The following DIAPH3 variants were observed in gnomAD, a reference collection of about 807,000 sequenced individuals.
DIAPH3 encodes the protein diaphanous related formin 3, also known as protein diaphanous homolog 3.
Under a neutral mutation model 144.3 loss-of-function variants are expected in DIAPH3, and 117 were observed. That is an observed-to-expected ratio of 0.81 (90% CI 0.70 to 0.95). The LOEUF is 0.95. DIAPH3 is among the 40% of genes least tolerant of loss of function. DIAPH3 has a pLI of 0.00. For synonymous variants in DIAPH3, 519 were observed against 488.9 expected (o/e 1.06, Z -0.81); for missense variants, 1,421 against 1,412.7 (o/e 1.01, Z -0.09).
At chr13:60,035,022 G>A (rs1461348601) in intron 5 of DIAPH3, among the ~76,000 whole-genome samples, 1 of 151,682 alleles carries the variant, frequency 6.6e-6, no homozygotes, top group Middle Eastern at 3.2e-3. Context: ...AATAAACTGG[G>A]AGATATATAT....
chr13:60,014,792 T>A (rs918055109), intron 7 of DIAPH3, among the ~76,000 whole-genome samples: 1 of 152,152 alleles, frequency 6.6e-6, no homozygotes, highest in Admixed American at 6.5e-5. Context: ...CTTAAACACC[T>A]ATCATCACTT....
intron 25 of DIAPH3, among the ~76,000 whole-genome samples, chr13:59,783,931 T>C (rs1281776348): frequency 6.6e-6 from 1 of 152,174 alleles, no homozygotes; most frequent in Non-Finnish European, 1.5e-5. Flanking sequence ...GGCAAACTAA[T>C]AGGAAAAGGT....
intron 27 of DIAPH3, among the ~76,000 whole-genome samples, chr13:59,750,496 T>C (rs1461102665): frequency 6.6e-6 from 1 of 152,216 alleles, no homozygotes; most frequent in African/African-American, 2.4e-5. Flanking sequence ...ATCATGCAAT[T>C]GGTAGGTATC....
At chr13:59,785,952 T>A (rs894144320) in intron 25 of DIAPH3, among the ~76,000 whole-genome samples, 20 of 152,172 alleles carry the variant, frequency 1.3e-4, no homozygotes, top group African/African-American at 4.6e-4. Flanking sequence ...TAGGCCTGGA[T>A]CTGTAGCATC....
chr13:60,134,360 A>T (rs556336303), intron 1 of DIAPH3, among the ~76,000 whole-genome samples: 2 of 152,330 alleles, frequency 1.3e-5, no homozygotes, highest in East Asian at 3.9e-4. Context: ...CAGCCTTTGA[A>T]ATTAACAAGT....
intron 25 of DIAPH3, among the ~76,000 whole-genome samples, chr13:59,803,195 G>A (rs1349066842): frequency 1.3e-5 from 2 of 152,176 alleles, no homozygotes; most frequent in African/African-American, 4.8e-5. Context: ...TTTCCACATT[G>A]TGATAAGATC....
intron 27 of DIAPH3, among the ~76,000 whole-genome samples, chr13:59,702,700 A>G (rs1454467458): frequency 6.6e-6 from 1 of 152,200 alleles, no homozygotes; most frequent in African/African-American, 2.4e-5. Context: ...ACATGAAAAT[A>G]TACAGTTATA....
intron 24 of DIAPH3, among the ~76,000 whole-genome samples, chr13:59,811,404 A>C (rs1355614891): frequency 1.3e-5 from 2 of 152,160 alleles, no homozygotes; most frequent in Admixed American, 6.6e-5. Context: ...TCATATATGA[A>C]TTTTTCTAAT....
At chr13:59,796,739 G>A (rs1382195954) in intron 25 of DIAPH3, among the ~76,000 whole-genome samples, 2 of 151,906 alleles carry the variant, frequency 1.3e-5, no homozygotes, top group East Asian at 3.9e-4. Context: ...TAACCAAAGG[G>A]GGGAAAAAAA....
intron 25 of DIAPH3, among the ~76,000 whole-genome samples, chr13:59,782,415 A>G (rs1428800897): frequency 1.3e-5 from 2 of 152,178 alleles, no homozygotes; most frequent in African/African-American, 2.4e-5. Context: ...CATAAATATC[A>G]GAAGAAATAT....
chr13:59,851,692 G>T (rs1036547152), intron 22 of DIAPH3, among the ~76,000 whole-genome samples: 1 of 144,654 alleles, frequency 6.9e-6, no homozygotes, highest in Non-Finnish European at 1.5e-5. Flanking sequence ...AGGTTGGAGC[G>T]CAATGGCGCA....
intron 5 of DIAPH3, among the ~76,000 whole-genome samples, chr13:60,033,503 G>T (rs2054964961): frequency 1.3e-5 from 2 of 152,146 alleles, no homozygotes; most frequent in African/African-American, 4.8e-5. Flanking sequence ...TAGGAAGCTT[G>T]GTGGAAGGTG....
chr13:59,810,177 T>G (rs1309257250), intron 25 of DIAPH3, among the ~76,000 whole-genome samples: 2 of 152,146 alleles, frequency 1.3e-5, no homozygotes, highest in Non-Finnish European at 2.9e-5. Context: ...GTTGTTTTTT[T>G]GAAACAAAAT....
chr13:59,798,446 A>G (rs1407194383), intron 25 of DIAPH3, among the ~76,000 whole-genome samples: 2 of 152,214 alleles, frequency 1.3e-5, no homozygotes, highest in African/African-American at 4.8e-5. Flanking sequence ...CTGCTACATT[A>G]CTGGTTAGTC....
At chr13:60,107,930 T>C (rs1025151672) in intron 3 of DIAPH3, among the ~76,000 whole-genome samples, 3 of 152,182 alleles carry the variant, frequency 2.0e-5, no homozygotes, top group Non-Finnish European at 2.9e-5. Flanking sequence ...TCTCAACCGA[T>C]AGTGAAAATA....
chr13:59,790,355 T>C (rs1192627156), intron 25 of DIAPH3, among the ~76,000 whole-genome samples: 1 of 152,192 alleles, frequency 6.6e-6, no homozygotes, highest in East Asian at 1.9e-4. Flanking sequence ...CACAGTAAAC[T>C]GTGGAAACCT....
At chr13:59,733,913 A>G (rs542382154) in intron 27 of DIAPH3, among the ~76,000 whole-genome samples, 1 of 152,352 alleles carries the variant, frequency 6.6e-6, no homozygotes, top group East Asian at 1.9e-4. Context: ...CCCAGGCCAG[A>G]ATCTATGGCA....
chr13:60,022,711 A>G (rs2054113722), intron 5 of DIAPH3, among the ~76,000 whole-genome samples: 1 of 152,162 alleles, frequency 6.6e-6, no homozygotes, highest in Admixed American at 6.6e-5. Flanking sequence ...ATCTTAATTA[A>G]TTACACTGCA....
intron 9 of DIAPH3, among the ~76,000 whole-genome samples, chr13:60,005,935 C>T (rs959948136): frequency 1.3e-5 from 2 of 151,974 alleles, no homozygotes; most frequent in African/African-American, 4.8e-5. Context: ...GAATAGTAAC[C>T]TATAAAATCC....
Sources: allele counts gnomAD v4.1 joint callset (sites outside exome capture counted in the v4.1 genomes callset), GRCh38; gene constraint gnomAD v4.1.1; transcripts MANE v1.5; gene names NCBI Gene and HGNC (gene_info 2026-07-23, HGNC 2026-07-21).